COMMD1: variants seen among roughly 807,000 people sequenced by gnomAD.
COMMD1 encodes the protein COMM domain-containing protein 1.
In COMMD1, 10 loss-of-function variants were observed where a neutral mutation model predicts 17.2. The observed-to-expected ratio is 0.58, with a 90% CI of 0.36 to 0.99. The LOEUF is 0.99. Among genes scored for constraint, COMMD1 ranks in the 50% least tolerant of loss-of-function variants. The probability of loss-of-function intolerance (pLI) is 0.01; values close to 1 mark genes in which losing one functional copy is unlikely to be tolerated. For synonymous variants in COMMD1, 97 were observed against 91.6 expected (o/e 1.06, Z -0.34); for missense variants, 270 against 231.8 (o/e 1.17, Z -1.07).
intron 2 of COMMD1, among the ~76,000 whole-genome samples, chr2:62,045,704 C>T (rs1250630617): frequency 1.4e-5 from 2 of 144,966 alleles, no homozygotes; most frequent in Non-Finnish European, 3.0e-5. Flanking sequence ...ATCTGGCCTC[C>T]TATTATCATC....
At chr2:62,110,467 T>C (rs1672427731) in intron 2 of COMMD1, among the ~76,000 whole-genome samples, 2 of 152,216 alleles carry the variant, frequency 1.3e-5, no homozygotes, top group Non-Finnish European at 2.9e-5. Flanking sequence ...CCTAATTCAC[T>C]GACTTACAGT....
At chr2:62,044,500 A>G (rs1455620350) in intron 2 of COMMD1, among the ~76,000 whole-genome samples, 2 of 152,224 alleles carry the variant, frequency 1.3e-5, no homozygotes, top group African/African-American at 4.8e-5. Flanking sequence ...GAAGTTAGGC[A>G]CAGAATTTAG....
intron 2 of COMMD1, among the ~76,000 whole-genome samples, chr2:62,057,322 A>T (rs530420375): frequency 1.6e-4 from 24 of 152,312 alleles, no homozygotes; most frequent in African/African-American, 5.8e-4. Context: ...CGATAATGTA[A>T]TATCCATATA....
intron 1 of COMMD1, among the ~76,000 whole-genome samples, chr2:61,949,313 C>CA (rs1363502842): frequency 2.0e-5 from 3 of 151,940 alleles, no homozygotes; most frequent in African/African-American, 4.8e-5. Context: ...AGCCTTGAAA[C>CA]AAAGAGCCAG....
At chr2:62,043,390 AT>A (rs1670292837) in intron 2 of COMMD1, among the ~76,000 whole-genome samples, 1 of 152,048 alleles carries the variant, frequency 6.6e-6, no homozygotes, top group Non-Finnish European at 1.5e-5. Context: ...GTTGGGAGTC[AT>A]TTTTCAGTCT....
chr2:62,126,285 C>T (rs1672886070), intron 2 of COMMD1, among the ~76,000 whole-genome samples: 1 of 151,936 alleles, frequency 6.6e-6, no homozygotes, highest in Admixed American at 6.6e-5. Flanking sequence ...GGGTATATAC[C>T]CAGTAAGGGG....
intron 2 of COMMD1, among the ~76,000 whole-genome samples, chr2:62,014,203 C>G (rs910442654): frequency 6.6e-6 from 1 of 152,138 alleles, no homozygotes; most frequent in Non-Finnish European, 1.5e-5. Context: ...TGTTGGACTT[C>G]GTTCAGCTGT....
In COMMD1 at chr2:62,018,758, A is replaced by G. The variant is rs1302553711; in HGVS notation, c.462+17776A>G. On this transcript the variant is annotated intron_variant, in intron 2 of 2. Coordinates refer to ENST00000311832, the MANE Select transcript of COMMD1 (RefSeq NM_152516.4). ...TTTTCTCATGGTTAGATTGGTTTAT[A>G]GGTGTCTTAGTGTGTTTTGTGCTGC... Among the ~76,000 whole-genome samples, 5 of 152,200 alleles carry G rather than the reference A, an allele frequency of 3.3e-5. No individual in the cohort carries two copies. In the East Asian group the frequency reaches 7.7e-4, roughly 23 times the overall value.
intron 1 of COMMD1, 126 bp downstream of exon 1, chr2:61,905,984 C>A: frequency 1.1e-6 from 1 of 883,948 alleles, no homozygotes; most frequent in African/African-American, 1.7e-5. Flanking sequence ...GACCTCCACT[C>A]CGTGGGCTCC....
chr2:61,983,353 C>A (rs561035716), intron 1 of COMMD1, among the ~76,000 whole-genome samples: 63 of 149,132 alleles, frequency 4.2e-4, no homozygotes, highest in Admixed American at 8.6e-4. Context: ...CCACGCCTGG[C>A]TAATTTTTTT....
intron 1 of COMMD1, among the ~76,000 whole-genome samples, chr2:61,972,577 T>A (rs540095480): frequency 7.2e-5 from 11 of 152,250 alleles, no homozygotes; most frequent in Admixed American, 5.2e-4. Flanking sequence ...CCACAAGCCA[T>A]GTTGATAGCA....
At chr2:61,928,862 A>G (rs2105205102) in intron 1 of COMMD1, among the ~76,000 whole-genome samples, 1 of 152,304 alleles carries the variant, frequency 6.6e-6, no homozygotes, top group East Asian at 1.9e-4. Context: ...TGAAATGTCA[A>G]TCTTAAAAAA....
rs1670272439 is a variant in COMMD1 at position 61,924,380 on chromosome 2, G to C, written c.180+18522G>C. On this transcript the variant is annotated intron_variant, in intron 1 of 2. Coordinates refer to ENST00000311832, the MANE Select transcript of COMMD1 (RefSeq NM_152516.4). The stretch of plus-strand genomic sequence containing the variant: ...GGTAGGGAGGACTCAGAGTCGGAGG[G>C]GGGATGGTTGGAGAGGGGGGAAGAG... Among the ~76,000 whole-genome samples the C allele has an allele frequency of 1.4e-5, 2 of 147,006 alleles. 1 individual carries two copies. The highest frequency in any genetic ancestry group is 1.4e-4 in the Admixed American group (2 of 14,810).
At chr2:62,045,730 A>ATTTTTTTTTT (rs71410917) in intron 2 of COMMD1, among the ~76,000 whole-genome samples, 1 of 84,896 alleles carries the variant, frequency 1.2e-5, no homozygotes, top group Non-Finnish European at 2.3e-5. Context: ...TTTCAAGTTA[A>ATTTTTTTTTT]TTTTTTTTTT....
At chr2:61,902,313 G>T (rs561182379), upstream of COMMD1, among the ~76,000 whole-genome samples, 1 of 151,436 alleles carries the variant, frequency 6.6e-6, no homozygotes, top group Non-Finnish European at 1.5e-5. Flanking sequence ...CGAGACCAGC[G>T]TGCCCAAGAT....
intron 1 of COMMD1, among the ~76,000 whole-genome samples, chr2:61,983,632 A>G (rs1250146645): frequency 6.6e-6 from 1 of 152,184 alleles, no homozygotes; most frequent in Non-Finnish European, 1.5e-5. Flanking sequence ...TTGTTGGCAT[A>G]TAGTTGTTCA....
intron 2 of COMMD1, among the ~76,000 whole-genome samples, chr2:62,011,329 C>T (rs1669271836): frequency 6.6e-6 from 1 of 152,216 alleles, no homozygotes; most frequent in South Asian, 2.1e-4. Context: ...ACACGTTCCT[C>T]AGCCCCTAAA....
chr2:61,915,734 C>A, intron 1 of COMMD1: 1 of 453,130 alleles, frequency 2.2e-6, no homozygotes, highest in Non-Finnish European at 4.4e-6. Context: ...TGGGCTTAAG[C>A]AACCCTCTCT....
chr2:62,075,868 A>G (rs1262691300), intron 2 of COMMD1, among the ~76,000 whole-genome samples: 3 of 152,246 alleles, frequency 2.0e-5, no homozygotes, highest in Non-Finnish European at 4.4e-5. Context: ...ATGTTGTCAC[A>G]TGGCAATATA....
Sources: gnomAD v4.1 joint callset for allele counts (sites outside exome capture counted in the v4.1 genomes callset) on GRCh38, gnomAD v4.1.1 for gene constraint, MANE v1.5 for transcripts, NCBI Gene and HGNC (gene_info 2026-07-23, HGNC 2026-07-21) for gene names.